KIF15: variants seen among roughly 807,000 people sequenced by gnomAD.
KIF15 encodes kinesin-like protein KIF15.
In KIF15, 140 loss-of-function variants were observed where a neutral mutation model predicts 190.6. The observed-to-expected ratio is 0.73, with a 90% CI of 0.64 to 0.84. The LOEUF (loss-of-function observed/expected upper bound fraction) is 0.84. KIF15 is among the 40% of genes least tolerant of loss of function. KIF15 has a pLI of 0.00. For missense variants in KIF15, 1,372 were observed against 1,584.4 expected (o/e 0.87, Z 2.28); for synonymous variants, 528 against 551.3 (o/e 0.96, Z 0.59).
intron 22 of KIF15, 102 bp from the exon 23 acceptor site, chr3:44,827,357 C>T: frequency 1.3e-6 from 1 of 779,748 alleles, no homozygotes; most frequent in South Asian, 1.7e-5. Context: ...CAAGGGTGTG[C>T]CTAACAAAGT....
intron 24 of KIF15, among the ~76,000 whole-genome samples, 177 bp from the exon 25 acceptor site, chr3:44,829,794 A>G (rs995883900): frequency 6.9e-6 from 1 of 143,992 alleles, no homozygotes; most frequent in Admixed American, 7.2e-5. Flanking sequence ...TAATATATGC[A>G]TATATAATAT....
In KIF15 at chr3:44,805,019, A is replaced by C. The variant is rs759204634; in HGVS notation, c.1688-8A>C. 2.5e-6 allele frequency: 4 copies of C among 1,592,642 alleles called. No homozygotes were observed. The South Asian group carries it at 4.6e-5, about 18-fold the overall frequency. ...AAAAAAAGACTGAGATTGTTTTCTT[A>C]TTAACAGATCAGCAAGGATTTTCAC... On this transcript the variant is annotated splice_region_variant and splice_polypyrimidine_tract_variant and intron_variant, in intron 14 of 34. Transcript: ENST00000326047.
chr3:44,865,124 C>G (rs1471853995), intron 6 of KIF15: 3 of 1,614,062 alleles, frequency 1.9e-6, no homozygotes, highest in Admixed American at 1.7e-5. Context: ...CGGACTCACC[C>G]TAATCCACAG....
chr3:44,851,863 CA>C lies in KIF15; in HGVS notation c.3886del (p.Thr1296LeufsTer13). 1 of 1,613,930 alleles carries C rather than the reference CA, an allele frequency of 6.2e-7. No individual in the cohort carries two copies. On this transcript the variant is annotated frameshift_variant, in exon 33 of 35. Coordinates refer to ENST00000326047, the MANE Select transcript of KIF15 (RefSeq NM_020242.3). LOFTEE classifies it high-confidence loss of function. ...LRMTDEVERT[Q>X]TLESKAFQEK... The stretch of plus-strand genomic sequence containing the variant: ...AATGACTGATGAAGTCGAACGAACC[CA>C]AACTTTGGAGTCTAAAGCATTCCAG...
intron 16 of KIF15, among the ~76,000 whole-genome samples, chr3:44,810,317 T>C (rs939859930): frequency 6.6e-6 from 1 of 152,148 alleles, no homozygotes; most frequent in Non-Finnish European, 1.5e-5. Flanking sequence ...AATGGTGTGA[T>C]AATAGCTCAC....
At chr3:44,866,445 A>G (rs1007321683) in intron 6 of KIF15, among the ~76,000 whole-genome samples, 3 of 152,090 alleles carry the variant, frequency 2.0e-5, no homozygotes, top group African/African-American at 7.2e-5. Flanking sequence ...CTGCCTGCAC[A>G]CTTTCCCAGC....
rs1322031385 is a variant in KIF15 at position 44,801,593 on chromosome 3, G to T, written c.1299+67G>T. The T allele has an allele frequency of 2.8e-6, 3 of 1,076,868 alleles. No individual in the cohort carries two copies. In the Admixed American group the frequency reaches 5.8e-5, roughly 21 times the overall value. 66.7% of individuals were successfully genotyped at this position (1,076,868 alleles called of 1,614,324 possible). On this transcript the variant is annotated intron_variant, in intron 12 of 34. Coordinates refer to ENST00000326047, the MANE Select transcript of KIF15 (RefSeq NM_020242.3). ...AGTTTTTTGCTGTGTGGTTTTTATTGCCTTACTAAGTGAAATAAATAATAC... is the reference window on the plus strand; with the variant it reads ...AGTTTTTTGCTGTGTGGTTTTTATTTCCTTACTAAGTGAAATAAATAATAC...
At position 44,829,650 on chromosome 3, in the gene KIF15, TG is replaced by T. The variant is rs1697938549; in HGVS notation, c.2944-320del. Among the ~76,000 whole-genome samples the T allele has an allele frequency of 2.5e-5, 3 of 122,154 alleles. No homozygotes were observed. In the South Asian group the frequency reaches 7.7e-4, roughly 31 times the overall value. The allele number at this position is 122,154 out of a possible 152,430, so 80.1% of individuals were successfully genotyped here. On this transcript the variant is annotated intron_variant, in intron 24 of 34. Transcript: ENST00000326047. ...ACATTATATATGTATATATTATATA[TG>T]TATATATTATGTATATATAATATAT...
rs1575621901 is a variant in KIF15, at chr3:44,808,739, G to A, written c.1972-2107G>A. ...TGGATGTGAGGCTCAAGGAATATGAGCCTCATACCAGTTAACGTGAGGCTC... is the reference window on the plus strand; with the variant it reads ...TGGATGTGAGGCTCAAGGAATATGAACCTCATACCAGTTAACGTGAGGCTC... On this transcript the variant is annotated intron_variant, in intron 16 of 34. Transcript: ENST00000326047. 2.0e-5 allele frequency among the ~76,000 whole-genome samples: 3 copies of A among 152,034 alleles called. No individual in the cohort carries two copies. The South Asian group carries it at 6.2e-4, about 31-fold the overall frequency.
At chr3:44,836,353 T>TA (rs1013645026) in intron 26 of KIF15, among the ~76,000 whole-genome samples, 2 of 151,574 alleles carry the variant, frequency 1.3e-5, no homozygotes, top group African/African-American at 2.4e-5. Flanking sequence ...AGACTCTGTC[T>TA]AAAAAAATAA....
chr3:44,775,378 T>C lies in KIF15; in HGVS notation c.187T>C (p.Ser63Pro). 4 of 1,614,042 alleles carry C rather than the reference T, an allele frequency of 2.5e-6. No individual in the cohort carries two copies. Among genetic ancestry groups the C allele is most frequent in the Non-Finnish European group, 3.4e-6 (4 of 1,179,972 alleles). Residue 63 changes from serine (S) to proline (P), a missense_variant, in exon 3 of 35, where the codon TCC becomes CCC. Transcript: ENST00000326047. ...VLSSTSLRLH[S>P]NPEPKTFTFD... ...GTCCTCCACGAGTCTCCGGCTGCACTCCAACCCTGAGCCCAAGACCTTCAC... is the reference window on the plus strand; with the variant it reads ...GTCCTCCACGAGTCTCCGGCTGCACCCCAACCCTGAGCCCAAGACCTTCAC...
rs1199044880 is a variant in KIF15, at chr3:44,786,408, A to C, written c.473A>C (p.Lys158Thr). ...DREKEKAGAG[K>T]SFLCKCSFIE... ...TCTTTTTTACAGGCTGGAGCTGGAA[A>C]GAGTTTCCTTTGTAAGTGTTCCTTT... The change falls in exon 7 of 35, where the codon AAG (lysine) becomes ACG (threonine). Residue 158 changes from lysine (K) to threonine (T), a missense_variant. Transcript: ENST00000326047. 2 of 1,609,086 alleles carry C rather than the reference A, an allele frequency of 1.2e-6. No individual in the cohort carries two copies. The highest frequency in any genetic ancestry group is 2.7e-5 in the African/African-American group (2 of 74,830).
At chr3:44,787,099 T>C (rs1706443280) in intron 7 of KIF15, among the ~76,000 whole-genome samples, 1 of 152,238 alleles carries the variant, frequency 6.6e-6, no homozygotes, top group Non-Finnish European at 1.5e-5. Context: ...GCCACAAGCA[T>C]GTAAGTTACC....
chr3:44,808,229 C>T (rs140829056), intron 16 of KIF15, among the ~76,000 whole-genome samples: 1 of 152,206 alleles, frequency 6.6e-6, no homozygotes, highest in Non-Finnish European at 1.5e-5. Context: ...CCCCTTAGCA[C>T]AATGGAATTA....
intron 6 of KIF15, chr3:44,863,899 C>T (rs1278345547): frequency 2.8e-5 from 11 of 389,870 alleles, no homozygotes; most frequent in South Asian, 1.5e-4. Context: ...AATAAGGGGC[C>T]GGTGTTCAGT....
intron 1 of KIF15, among the ~76,000 whole-genome samples, chr3:44,772,218 A>G (rs1427974355): frequency 6.6e-6 from 1 of 152,224 alleles, no homozygotes; most frequent in Non-Finnish European, 1.5e-5. Context: ...GCCCTTTAAG[A>G]GCAGGGCTAG....
intron 20 of KIF15, among the ~76,000 whole-genome samples, chr3:44,822,522 CT>C (rs1697401290): frequency 6.6e-6 from 1 of 152,144 alleles, no homozygotes. Context: ...GTGGTATTCT[CT>C]GTTTTTCCTG....
chr3:44,761,812 C>T lies in KIF15; in HGVS notation c.-54C>T, dbSNP rs1194440473. ...GGAATTCAGTCGCGCGCGGTGCAGT[C>T]GGGAGGTGGAGGCACCGGCTGCATT... On this transcript the variant is annotated 5_prime_UTR_variant, in exon 1 of 35. Transcript: ENST00000326047. The T allele has an allele frequency of 3.1e-6, 5 of 1,613,228 alleles. No individual in the cohort carries two copies. The highest frequency in any genetic ancestry group is 1.6e-4 in the Middle Eastern group (1 of 6,062).
intron 8 of KIF15, among the ~76,000 whole-genome samples, chr3:44,794,812 G>C (rs904680673): frequency 3.3e-5 from 5 of 152,084 alleles, no homozygotes; most frequent in African/African-American, 1.2e-4. Context: ...AAATACAAAA[G>C]TCAGCTGGGC....
Sources: allele counts gnomAD v4.1 joint callset (sites outside exome capture counted in the v4.1 genomes callset), GRCh38; gene constraint gnomAD v4.1.1; transcripts MANE v1.5; gene names NCBI Gene and HGNC (gene_info 2026-07-23, HGNC 2026-07-21).